PEX6: variants seen among roughly 807,000 people sequenced by gnomAD.
PEX6 encodes the protein peroxisomal biogenesis factor 6, also known as peroxisome biogenesis factor 6.
PEX6 carries 55 observed loss-of-function variants against 85.6 expected under a neutral mutation model. The ratio of observed to expected loss-of-function variants is 0.64; its 90% CI spans 0.52 to 0.80. PEX6 has a LOEUF of 0.80. PEX6 is among the 30% of genes least tolerant of loss of function. The pLI is 0.00. For synonymous variants in PEX6, 519 were observed against 549.1 expected (o/e 0.95, Z 0.77); for missense variants, 1,099 against 1,260.3 (o/e 0.87, Z 1.94).
At chr6:42,974,117 A>T (rs1288833992) in intron 2 of PEX6, 31 bp from the exon 3 acceptor site, 1 of 1,531,150 alleles carries the variant, frequency 6.5e-7, no homozygotes, top group East Asian at 2.2e-5. Context: ...TGGTCAGGTC[A>T]CAATGGGAGT....
chr6:42,969,613 C>G, intron 5 of PEX6, 55 bp downstream of exon 5: 2 of 1,609,408 alleles, frequency 1.2e-6, no homozygotes, highest in Non-Finnish European at 1.7e-6. Context: ...TGCTGCTCCT[C>G]CAGGGATGTT....
intron 1 of PEX6, among the ~76,000 whole-genome samples, chr6:42,977,330 G>A (rs1175545340): frequency 6.9e-6 from 1 of 145,368 alleles, no homozygotes; most frequent in Non-Finnish European, 1.5e-5. Context: ...TGGGCTCACT[G>A]CAACCTCCAC....
In PEX6 at chr6:42,968,427, C is replaced by A. The variant is rs766045376; in HGVS notation, c.1551G>T (p.Arg517=). ...VETKLQAIFS[R]ARRCRPAVLL... ...GGACTGCAGGCCGGCAACGGCGGGCCCGGGAGAAGATGGCCTGCAGTTTTG... is the reference window on the plus strand; with the variant it reads ...GGACTGCAGGCCGGCAACGGCGGGCACGGGAGAAGATGGCCTGCAGTTTTG... Residue 517 remains arginine (R), a synonymous_variant, in exon 7 of 17, where the codon CGG becomes CGT. Transcript: ENST00000304611. The A allele has an allele frequency of 6.2e-6, 10 of 1,612,088 alleles. No individual in the cohort carries two copies. In the African/African-American group the frequency reaches 1.2e-4, roughly 19 times the overall value.
At chr6:42,974,312 G>T (rs560877738) in intron 2 of PEX6, among the ~76,000 whole-genome samples, 1 of 152,086 alleles carries the variant, frequency 6.6e-6, no homozygotes, top group Non-Finnish European at 1.5e-5. Flanking sequence ...GCAGGATCCT[G>T]GCTCTTTTGG....
In PEX6 at chr6:42,964,912, G is replaced by T. The variant is rs1769690065; in HGVS notation, c.2684C>A (p.Ser895Tyr). The change falls in exon 16 of 17, where the codon TCT becomes TAT. Residue 895 changes from serine (S) to tyrosine (Y), a missense_variant. Coordinates refer to ENST00000304611, the MANE Select transcript of PEX6 (RefSeq NM_000287.4). This position sits in a 1 kb window ranked among gnomAD's most constrained non-coding sequence, Gnocchi z 4.6. ...ATCTAGCACGTTTACCAGGCTCACA[G>T]ATGGCTCTAGCTTGAATCTGTTGTG... is the stretch of plus-strand genomic sequence containing the variant. ...AITRKFKLEP[S>Y]VSLVNVLDCC... 6.2e-7 allele frequency: 1 copy of T among 1,614,194 alleles called. No homozygotes were observed. Among genetic ancestry groups the T allele is most frequent in the South Asian group, 1.1e-5 (1 of 91,090 alleles).
Position 42,965,920 on chromosome 6 carries a change from C to T in PEX6, c.2362+124G>A, listed in dbSNP as rs765012614. On this transcript the variant is annotated intron_variant, in intron 12 of 16. Coordinates refer to ENST00000304611, the MANE Select transcript of PEX6 (RefSeq NM_000287.4). This position sits in a 1 kb window ranked among gnomAD's most constrained non-coding sequence, Gnocchi z 5.0. ...ATCCCAGGTACTAGACCCAGCTGGGCAGGAACCTGACTTGTAGAAAGGAGG... is the reference window on the plus strand; with the variant it reads ...ATCCCAGGTACTAGACCCAGCTGGGTAGGAACCTGACTTGTAGAAAGGAGG... 16 of 1,357,922 alleles carry T rather than the reference C, an allele frequency of 1.2e-5. No individual in the cohort carries two copies. Among genetic ancestry groups the T allele is most frequent in the Non-Finnish European group, 1.7e-5 (16 of 951,130 alleles). 84.1% of individuals were successfully genotyped at this position (1,357,922 alleles called of 1,614,324 possible).
At position 42,972,502 on chromosome 6, in the gene PEX6, G is replaced by A. The variant is rs574002956; in HGVS notation, c.1130+1501C>T. 2.0e-5 allele frequency among the ~76,000 whole-genome samples: 3 copies of A among 152,308 alleles called. No individual in the cohort carries two copies. In the East Asian group the frequency reaches 5.8e-4, roughly 29 times the overall value. On this transcript the variant is annotated intron_variant, in intron 3 of 16. Coordinates refer to ENST00000304611, the MANE Select transcript of PEX6 (RefSeq NM_000287.4). ...ATAGAAATCCCTGGCTGGGTGCGGT[G>A]GCTCACGCCTGTAATCCCAGCACTT...
In PEX6 at chr6:42,964,073, C is replaced by T. The variant is rs1769612214; in HGVS notation, c.*262G>A. 5.1e-6 allele frequency: 3 copies of T among 586,944 alleles called. No homozygotes were observed. Among genetic ancestry groups the T allele is most frequent in the Non-Finnish European group, 6.1e-6 (2 of 329,984 alleles). The allele number at this position is 586,944 out of a possible 1,614,324, so 36.4% of individuals were successfully genotyped here. On this transcript the variant is annotated 3_prime_UTR_variant, in exon 17 of 17. Transcript: ENST00000304611. The surrounding 1 kb of genome is among the most constrained non-coding windows in gnomAD (Gnocchi z 4.6). ...CCCTCTCAGGGCCCAATCCCCAGAA[C>T]CCAAGGCCCTGGCCCTCTTCCTGAG...
chr6:42,975,221 T>A (rs1770237532), intron 1 of PEX6, among the ~76,000 whole-genome samples, 183 bp from the exon 2 acceptor site: 2 of 152,120 alleles, frequency 1.3e-5, no homozygotes, highest in Admixed American at 6.6e-5. Flanking sequence ...AGGAAGAGAA[T>A]ATCACCTCCT....
chr6:42,965,047 T>C lies in PEX6; in HGVS notation c.2666+28A>G, dbSNP rs1769702738. The C allele has an allele frequency of 6.2e-7, 1 of 1,613,378 alleles. No individual in the cohort carries two copies. Among genetic ancestry groups the C allele is most frequent in the African/African-American group, 1.3e-5 (1 of 74,936 alleles). ...CCTAAGCATCCCAAGGCCCAAGCCC[T>C]TCGCAGTCTTCCTCTAACAGAGCAT... On this transcript the variant is annotated intron_variant, in intron 15 of 16. Transcript: ENST00000304611. This position sits in a 1 kb window ranked among gnomAD's most constrained non-coding sequence, Gnocchi z 5.0.
chr6:42,966,238 C>A lies in PEX6; in HGVS notation c.2300+4G>T. The A allele has an allele frequency of 6.2e-7, 1 of 1,611,956 alleles. No homozygotes were observed. On this transcript the variant is annotated splice_donor_region_variant and intron_variant, in intron 11 of 16. Coordinates refer to ENST00000304611, the MANE Select transcript of PEX6 (RefSeq NM_000287.4). ...CCACCATCCCTTCCAGGCCCCCTGG[C>A]CACCTGAGGAAGGTAAGGCTGCACT...
intron 1 of PEX6, among the ~76,000 whole-genome samples, chr6:42,975,629 T>C (rs981569226): frequency 1.3e-5 from 2 of 152,152 alleles, no homozygotes; most frequent in African/African-American, 4.8e-5. Flanking sequence ...TATATCTGCA[T>C]GTGCTATTGA....
intron 1 of PEX6, among the ~76,000 whole-genome samples, chr6:42,976,287 G>A (rs1770297501): frequency 6.6e-6 from 1 of 152,092 alleles, no homozygotes; most frequent in Non-Finnish European, 1.5e-5. Context: ...CTTCCATATT[G>A]GACAGCACCA....
intron 2 of PEX6, among the ~76,000 whole-genome samples, chr6:42,974,480 C>T (rs371391756): frequency 2.0e-5 from 2 of 100,496 alleles, no homozygotes; most frequent in African/African-American, 3.7e-5. Flanking sequence ...TTTTTTGAGA[C>T]GGAGTCTCGC....
rs1425851327 is a variant in PEX6, at chr6:42,968,390, C to A, written c.1588G>T (p.Ala530Ser). 1 of 1,614,138 alleles carries A rather than the reference C, an allele frequency of 6.2e-7. No individual in the cohort carries two copies. Among genetic ancestry groups the A allele is most frequent in the Non-Finnish European group, 8.5e-7 (1 of 1,180,040 alleles). The part of the protein sequence containing the change: ...RCRPAVLLLT[A>S]VDLLGRDRDG... ...CGGTCCCGGCCCAGAAGGTCCACAG[C>A]TGTGAGCAACAGGACTGCAGGCCGG... The change falls in exon 7 of 17, where the codon GCT becomes TCT. Residue 530 changes from alanine to serine, a missense_variant. Transcript: ENST00000304611.
At chr6:42,970,213 T>A (rs1770014200) in intron 3 of PEX6, among the ~76,000 whole-genome samples, 1 of 152,186 alleles carries the variant, frequency 6.6e-6, no homozygotes, top group African/African-American at 2.4e-5. Context: ...ATGACAGCCA[T>A]GAGAGCTCTG....
chr6:42,968,245 C>G (rs753033798), intron 7 of PEX6, 45 bp downstream of exon 7: 1 of 1,555,388 alleles, frequency 6.4e-7, no homozygotes, highest in Non-Finnish European at 8.9e-7. Flanking sequence ...CCACCGCGCC[C>G]AGCCGGCCCC....
chr6:42,977,653 G>A (rs1342266617), intron 1 of PEX6, among the ~76,000 whole-genome samples: 1 of 150,382 alleles, frequency 6.6e-6, no homozygotes, highest in African/African-American at 2.4e-5. Context: ...CGTGGCGCGA[G>A]CCAGTAGTAG....
intron 1 of PEX6, among the ~76,000 whole-genome samples, chr6:42,975,543 A>G (rs1020744609): frequency 6.6e-6 from 1 of 152,176 alleles, no homozygotes. Context: ...TTTCACATGT[A>G]TCTCTACCTG....
Sources: gnomAD v4.1 joint callset for allele counts (sites outside exome capture counted in the v4.1 genomes callset) on GRCh38, gnomAD v4.1.1 for gene constraint, Gnocchi (gnomAD v3.1) non-coding constraint, MANE v1.5 for transcripts, NCBI Gene and HGNC (gene_info 2026-07-23, HGNC 2026-07-21) for gene names.